Variants in AFTPH observed in about 807,000 individuals in gnomAD.
AFTPH encodes the protein aftiphilin.
AFTPH carries 7 observed loss-of-function variants against 72.5 expected under a neutral mutation model. That is an observed-to-expected ratio of 0.10 (90% CI 0.05 to 0.18). The LOEUF (loss-of-function observed/expected upper bound fraction) is 0.18. Ranked by LOEUF, AFTPH falls within the 10% of genes least tolerant of loss-of-function variation. The pLI, the probability that AFTPH is intolerant of heterozygous loss-of-function variation, is 1.00. For missense variants in AFTPH, 979 were observed against 1,060.5 expected (o/e 0.92, Z 1.07); for synonymous variants, 337 against 370.1 (o/e 0.91, Z 1.03).
intron 8 of AFTPH, among the ~76,000 whole-genome samples, chr2:64,589,408 A>G (rs1375829173): frequency 6.6e-6 from 1 of 152,228 alleles, no homozygotes; most frequent in African/African-American, 2.4e-5. Flanking sequence ...TCCATTGATA[A>G]AAAGGATAAA....
chr2:64,530,736 A>C (rs185069970), intron 1 of AFTPH, among the ~76,000 whole-genome samples: 1 of 152,254 alleles, frequency 6.6e-6, no homozygotes, highest in East Asian at 1.9e-4. Context: ...TTAAATTGTG[A>C]GCATTTCTCC....
chr2:64,524,464 T>G (rs1014177261), exon 1 of AFTPH: 6 of 401,798 alleles, frequency 1.5e-5, no homozygotes. Context: ...CGGGTGGGCG[T>G]CCATGGTGCT....
At chr2:64,589,944 T>TGG (rs55695023) in intron 8 of AFTPH, among the ~76,000 whole-genome samples, 1 of 127,522 alleles carries the variant, frequency 7.8e-6, no homozygotes, top group African/African-American at 2.9e-5. Flanking sequence ...AATACATATA[T>TGG]GGGGGGGGGG....
At chr2:64,575,952 T>C (rs1318615901) in intron 6 of AFTPH, among the ~76,000 whole-genome samples, 2 of 151,730 alleles carry the variant, frequency 1.3e-5, no homozygotes, top group African/African-American at 4.8e-5. Flanking sequence ...TTGGCCAGGC[T>C]GGTCTCCAAC....
At chr2:64,592,111 T>C in exon 9 of AFTPH, 1 of 901,084 alleles carries the variant, frequency 1.1e-6, no homozygotes, top group Non-Finnish European at 1.5e-6. Context: ...ATACCTGCTC[T>C]AATTAAAAAA....
intron 1 of AFTPH, among the ~76,000 whole-genome samples, chr2:64,550,730 C>A (rs1362635885): frequency 7.1e-6 from 1 of 140,262 alleles, no homozygotes; most frequent in African/African-American, 2.8e-5. Context: ...CACACACACA[C>A]AACTGGTGAA....
At chr2:64,526,585 G>A (rs924874567) in intron 1 of AFTPH, among the ~76,000 whole-genome samples, 3 of 152,110 alleles carry the variant, frequency 2.0e-5, no homozygotes, top group Non-Finnish European at 2.9e-5. Context: ...AAGTAGAATA[G>A]TGAACCTTTC....
intron 5 of AFTPH, among the ~76,000 whole-genome samples, chr2:64,570,952 C>G (rs534671049): frequency 2.6e-4 from 29 of 111,158 alleles, no homozygotes; most frequent in Non-Finnish European, 3.6e-4. Flanking sequence ...TTTTTCACAT[C>G]TGTCAGCTCA....
At chr2:64,574,846 A>T (rs1195370731) in intron 6 of AFTPH, among the ~76,000 whole-genome samples, 3 of 152,196 alleles carry the variant, frequency 2.0e-5, no homozygotes, top group African/African-American at 7.2e-5. Context: ...CTGCTATCCC[A>T]GGTCTGCCCT....
chr2:64,543,239 T>G (rs1244725695), intron 1 of AFTPH, among the ~76,000 whole-genome samples: 1 of 152,238 alleles, frequency 6.6e-6, no homozygotes, highest in East Asian at 1.9e-4. Context: ...TTGTTCCACA[T>G]TGACTTGTAG....
chr2:64,580,321 TATTTTGCCATTGTAAAAAAACACTATC>T (rs1673114589), intron 7 of AFTPH: 1 of 152,672 alleles, frequency 6.5e-6, no homozygotes, highest in East Asian at 1.9e-4. Context: ...AAATGGCAAT[TATTTTGCCATTGTAAAAAAACACTATC>T]AGCTTGGCCT....
intron 2 of AFTPH, among the ~76,000 whole-genome samples, chr2:64,566,106 G>A (rs975028222): frequency 1.3e-5 from 2 of 152,194 alleles, no homozygotes; most frequent in East Asian, 1.9e-4. Context: ...AGCCAATCAT[G>A]TATCCAATTA....
intron 5 of AFTPH, among the ~76,000 whole-genome samples, chr2:64,571,916 T>C (rs1672455445): frequency 6.6e-6 from 1 of 150,936 alleles, no homozygotes; most frequent in Non-Finnish European, 1.5e-5. Context: ...CTATTTTTCT[T>C]ACTCAAAAAG....
intron 1 of AFTPH, among the ~76,000 whole-genome samples, chr2:64,537,202 G>T (rs1257842390): frequency 3.9e-5 from 6 of 152,080 alleles, no homozygotes; most frequent in African/African-American, 1.4e-4. Flanking sequence ...GAATGCCTCT[G>T]TAGAATACAT....
chr2:64,567,565 G>C, exon 3 of AFTPH: 1 of 1,604,466 alleles, frequency 6.2e-7, no homozygotes, highest in Non-Finnish European at 8.5e-7. Context: ...GATGCAGACA[G>C]CTTTATTAAA....
chr2:64,527,580 CA>C (rs34338314), intron 1 of AFTPH, among the ~76,000 whole-genome samples: 98 of 135,510 alleles, frequency 7.2e-4, no homozygotes, highest in Admixed American at 7.4e-4. Context: ...AACATCATCT[CA>C]AAAAAAAAAA....
chr2:64,565,196 G>A (rs966668220), intron 2 of AFTPH, among the ~76,000 whole-genome samples: 3 of 151,872 alleles, frequency 2.0e-5, no homozygotes, highest in African/African-American at 7.2e-5. Flanking sequence ...AAAATATTTG[G>A]GCTGGGCGCA....
intron 8 of AFTPH, among the ~76,000 whole-genome samples, chr2:64,591,118 G>A (rs905012726): frequency 3.9e-5 from 6 of 152,172 alleles, no homozygotes; most frequent in African/African-American, 1.2e-4. Context: ...GGCATTTTCT[G>A]TGGCTCACCT....
At chr2:64,562,684 A>C (rs1015368948) in intron 2 of AFTPH, among the ~76,000 whole-genome samples, 1 of 152,228 alleles carries the variant, frequency 6.6e-6, no homozygotes, top group Non-Finnish European at 1.5e-5. Flanking sequence ...TTTGTAAAGC[A>C]TTTAGAATAA....
Sources: allele counts gnomAD v4.1 joint callset (sites outside exome capture counted in the v4.1 genomes callset), GRCh38; gene constraint gnomAD v4.1.1; transcripts MANE v1.5; gene names NCBI Gene and HGNC (gene_info 2026-07-23, HGNC 2026-07-21).